The following WFDC10A variants were observed in gnomAD, a reference collection of about 807,000 sequenced individuals.
WFDC10A encodes WAP four-disulfide core domain protein 10A.
WFDC10A carries 2 observed loss-of-function variants against 2.6 expected under a neutral mutation model. The ratio of observed to expected loss-of-function variants is 0.76; its 90% confidence interval spans 0.31 to 2.40. The LOEUF is 2.40. Ranked by LOEUF, WFDC10A falls within the 30% of genes most tolerant of loss-of-function variation. The probability of loss-of-function intolerance (pLI) is 0.12; values close to 1 mark genes in which losing one functional copy is unlikely to be tolerated. For synonymous variants in WFDC10A, 36 were observed against 36.3 expected, an observed-to-expected ratio of 0.99 and a Z score of 0.03; for missense variants, 84 against 91.8, an observed-to-expected ratio of 0.92 and a Z score of 0.35.
At chr20:45,630,750 G>A in intron 1 of WFDC10A, 120 bp from the exon 2 acceptor site, 1 of 1,143,408 alleles carries the variant, frequency 8.7e-7, no homozygotes, top group Non-Finnish European at 1.2e-6. Context: ...GTTCTATGAA[G>A]AAGGAATCCA....
At chr20:45,630,741 TTCTATGAAGAAGGAA>T in intron 1 of WFDC10A, 114 bp from the exon 2 acceptor site, 1 of 1,058,378 alleles carries the variant, frequency 9.4e-7, no homozygotes, top group Non-Finnish European at 1.3e-6. Flanking sequence ...AGGAAGGTAG[TTCTATGAAGAAGGAA>T]TCCAGGAGTA....
In WFDC10A at chr20:45,631,040, T is replaced by G. The variant is rs745381776; in HGVS notation, c.*22T>G. On this transcript the variant is annotated 3_prime_UTR_variant, in exon 2 of 2. Coordinates refer to ENST00000372643, the MANE Select transcript of WFDC10A (RefSeq NM_080753.3). ...GTGAGTGGGAGAGTGGGCTGGGATG[T>G]GCATCCTGCTTCCCAACTCCTCTAT... 6.4e-7 allele frequency: 1 copy of G among 1,567,484 alleles called. No homozygotes were observed. Among genetic ancestry groups the G allele is most frequent in the South Asian group, 1.2e-5 (1 of 82,686 alleles).
intron 1 of WFDC10A, 30 bp downstream of exon 1, chr20:45,629,934 G>A (rs1982316010): frequency 1.2e-6 from 2 of 1,610,286 alleles, no homozygotes; most frequent in African/African-American, 2.7e-5. Context: ...ATGGGTGAGG[G>A]GGAATTGGGT....
At chr20:45,630,634 G>A (rs998222987) in intron 1 of WFDC10A, among the ~76,000 whole-genome samples, 7 of 152,092 alleles carry the variant, frequency 4.6e-5, no homozygotes, top group Non-Finnish European at 1.0e-4. Flanking sequence ...TGTGGAGAAG[G>A]TCCAGGAAGC....
At chr20:45,630,773 C>T (rs1982343684) in intron 1 of WFDC10A, 97 bp from the exon 2 acceptor site, 1 of 1,339,640 alleles carries the variant, frequency 7.5e-7, no homozygotes, top group Non-Finnish European at 9.9e-7. Flanking sequence ...AGTATCATGA[C>T]TGAGACCTGG....
intron 1 of WFDC10A, among the ~76,000 whole-genome samples, 167 bp from the exon 2 acceptor site, chr20:45,630,703 G>A (rs1982342004): frequency 6.6e-6 from 1 of 152,026 alleles, no homozygotes; most frequent in Admixed American, 6.5e-5. Context: ...TTTAAAATAT[G>A]ACCAATCACT....
At position 45,629,757 on chromosome 20, in the gene WFDC10A, T is replaced by G; in HGVS notation, c.-57T>G. The G allele has an allele frequency of 1.3e-6, 2 of 1,584,118 alleles. 1 individual carries two copies. The highest frequency in any genetic ancestry group is 2.3e-5 in the South Asian group (2 of 87,802). On this transcript the variant is annotated 5_prime_UTR_variant, in exon 1 of 2. Transcript: ENST00000372643. ...TTCCTTCACTCTCCGTAGACAGCTC[T>G]GCAGGGAAGTCTGTGACAACCTGGC... is the stretch of plus-strand genomic sequence containing the variant.
chr20:45,630,684 G>A (rs1982341412), intron 1 of WFDC10A, among the ~76,000 whole-genome samples, 186 bp from the exon 2 acceptor site: 1 of 152,040 alleles, frequency 6.6e-6, no homozygotes, highest in South Asian at 2.1e-4. Flanking sequence ...GTACAGTGGA[G>A]AGACAGGATT....
At position 45,631,180 on chromosome 20, in the gene WFDC10A, G is replaced by A. The variant is rs1600927144; in HGVS notation, c.*162G>A. 3 of 714,490 alleles carry A rather than the reference G, an allele frequency of 4.2e-6. No homozygotes were observed. In the South Asian group the frequency reaches 1.3e-4, roughly 30 times the overall value. 44.3% of individuals were successfully genotyped at this position (714,490 alleles called of 1,614,324 possible). On this transcript the variant is annotated 3_prime_UTR_variant, in exon 2 of 2. Transcript: ENST00000372643. ...CCCCTTGTCCCTGTCAAATAAACCA[G>A]AACAAATGCCCAGGGATCCTACCTC...
At position 45,629,763 on chromosome 20, in the gene WFDC10A, G is replaced by A; in HGVS notation, c.-51G>A. The A allele has an allele frequency of 6.3e-7, 1 of 1,590,718 alleles. No individual in the cohort carries two copies. Among genetic ancestry groups the A allele is most frequent in the Non-Finnish European group, 8.6e-7 (1 of 1,166,482 alleles). On this transcript the variant is annotated 5_prime_UTR_variant, in exon 1 of 2. Transcript: ENST00000372643. ...CACTCTCCGTAGACAGCTCTGCAGG[G>A]AAGTCTGTGACAACCTGGCCAGACA... is the stretch of plus-strand genomic sequence containing the variant.
At position 45,629,882 on chromosome 20, in the gene WFDC10A, C is replaced by T. The variant is rs1248673978; in HGVS notation, c.69C>T (p.Tyr23=). The change falls in exon 1 of 2, where the codon TAC becomes TAT. Residue 23 remains tyrosine, a synonymous_variant. Transcript: ENST00000372643. ...TGCTGCTGCAGGCCCAGGGAGGATA[C>T]CGTGACAAGAAGAGGATGCAGAGTA... is the stretch of plus-strand genomic sequence containing the variant. The part of the protein sequence containing the change: ...CVLLLQAQGG[Y]RDKKRMQKTQ... The T allele has an allele frequency of 1.2e-6, 2 of 1,613,682 alleles. No homozygotes were observed. The highest frequency in any genetic ancestry group is 1.7e-5 in the Admixed American group (1 of 59,964).
intron 1 of WFDC10A, 78 bp downstream of exon 1, chr20:45,629,982 C>T: frequency 1.9e-6 from 3 of 1,556,054 alleles, no homozygotes; most frequent in South Asian, 2.4e-5. Context: ...CTGAGTAGGA[C>T]CTAGGAGTTG....
intron 1 of WFDC10A, among the ~76,000 whole-genome samples, 182 bp from the exon 2 acceptor site, chr20:45,630,688 C>T (rs1200238048): frequency 6.6e-6 from 1 of 151,866 alleles, no homozygotes. Context: ...AGTGGAGAGA[C>T]AGGATTTAAA....
Position 45,631,128 on chromosome 20 carries a change from G to A in WFDC10A, c.*110G>A, listed in dbSNP as rs1982360034. On this transcript the variant is annotated 3_prime_UTR_variant, in exon 2 of 2. Coordinates refer to ENST00000372643, the MANE Select transcript of WFDC10A (RefSeq NM_080753.3). Reference sequence around the variant, plus strand: ...AGTCACCAGCATAAGAACATCAACAGGAATGCCGCCCTCTCTACTGTCTGA... The same window carrying A: ...AGTCACCAGCATAAGAACATCAACAAGAATGCCGCCCTCTCTACTGTCTGA... The A allele has an allele frequency of 7.8e-7, 1 of 1,285,912 alleles. No homozygotes were observed. Among genetic ancestry groups the A allele is most frequent in the Non-Finnish European group, 1.0e-6 (1 of 962,036 alleles). 79.7% of individuals were successfully genotyped at this position (1,285,912 alleles called of 1,614,324 possible).
chr20:45,630,111 A>G (rs1982322267), intron 1 of WFDC10A, among the ~76,000 whole-genome samples: 1 of 152,096 alleles, frequency 6.6e-6, no homozygotes, highest in Non-Finnish European at 1.5e-5. Flanking sequence ...TGAAGAAGAA[A>G]CCTGCATATT....
chr20:45,629,808 A>G lies in WFDC10A; in HGVS notation c.-6A>G. On this transcript the variant is annotated 5_prime_UTR_variant, in exon 1 of 2. Transcript: ENST00000372643. ...CAGACATAGGGCTCACGATCTGATC[A>G]GAGTCATGGCACCCCAGACTCTGCT... 2 of 1,613,300 alleles carry G rather than the reference A, an allele frequency of 1.2e-6. No individual in the cohort carries two copies. The highest frequency in any genetic ancestry group is 1.7e-6 in the Non-Finnish European group (2 of 1,179,668).
At position 45,630,883 on chromosome 20, in the gene WFDC10A, C is replaced by T; in HGVS notation, c.105C>T (p.Ser35=). The change falls in exon 2 of 2, where the codon TCC becomes TCT. Residue 35 remains serine, a synonymous_variant. Coordinates refer to ENST00000372643, the MANE Select transcript of WFDC10A (RefSeq NM_080753.3). ...TCTCCTTGTCAGAAACACAGCTATC[C>T]CCAGAAATCAAAGTCTGCCAGCAGC... ...DKKRMQKTQL[S]PEIKVCQQQP... The T allele has an allele frequency of 3.1e-6, 5 of 1,601,362 alleles. No individual in the cohort carries two copies. Among genetic ancestry groups the T allele is most frequent in the Non-Finnish European group, 4.3e-6 (5 of 1,174,782 alleles).
intron 1 of WFDC10A, 99 bp downstream of exon 1, chr20:45,630,003 G>T: frequency 6.7e-7 from 1 of 1,488,822 alleles, no homozygotes; most frequent in Non-Finnish European, 9.1e-7. Flanking sequence ...GAAACTCTCT[G>T]CATATCCAGC....
Position 45,631,167 on chromosome 20 carries a change from G to A in WFDC10A, c.*149G>A. On this transcript the variant is annotated 3_prime_UTR_variant, in exon 2 of 2. Coordinates refer to ENST00000372643, the MANE Select transcript of WFDC10A (RefSeq NM_080753.3). ...TCTACTGTCTGAACCCCTTGTCCCT[G>A]TCAAATAAACCAGAACAAATGCCCA... 1 of 871,996 alleles carries A rather than the reference G, an allele frequency of 1.1e-6. No homozygotes were observed. The highest frequency in any genetic ancestry group is 1.8e-5 in the African/African-American group (1 of 56,962). 54.0% of individuals were successfully genotyped at this position (871,996 alleles called of 1,614,324 possible). A position where few individuals can be genotyped will look rare whatever the true frequency, so the allele number is the denominator to read the frequency against.
Sources: allele counts gnomAD v4.1 joint callset (sites outside exome capture counted in the v4.1 genomes callset), GRCh38; gene constraint gnomAD v4.1.1; transcripts MANE v1.5; gene names NCBI Gene and HGNC (gene_info 2026-07-23, HGNC 2026-07-21).